Variants in VCPIP1 observed in about 807,000 individuals in gnomAD.
The protein encoded by VCPIP1 is deubiquitinating protein VCPIP1.
Under a neutral mutation model 85.0 loss-of-function variants are expected in VCPIP1, and 8 were observed. The observed-to-expected ratio is 0.09, with a 90% CI of 0.06 to 0.17. VCPIP1 has a LOEUF of 0.17. VCPIP1 is among the 10% of genes least tolerant of loss of function. The pLI, the probability that VCPIP1 is intolerant of heterozygous loss-of-function variation, is 1.00. For synonymous variants in VCPIP1, 543 were observed against 544.5 expected, an observed-to-expected ratio of 1.00 and a Z score of 0.04; for missense variants, 1,070 against 1,486.3, an observed-to-expected ratio of 0.72 and a Z score of 4.61.
In VCPIP1 at chr8:66,666,497, C is replaced by T; in HGVS notation, c.462G>A (p.Gln154=). ...GTAAGGCGCAATCGAACAGTTCGCC[C>T]TGGTTCATGTCCCGGAGAAGCTTGG... ...GRAKLLRDMN[Q]GELFDCALLG... Residue 154 remains glutamine, a synonymous_variant, in exon 1 of 3, where the codon CAG becomes CAA. Transcript: ENST00000310421. This position sits in a 1 kb window ranked among gnomAD's most constrained non-coding sequence, Gnocchi z 6.3. 2 of 1,614,174 alleles carry T rather than the reference C, an allele frequency of 1.2e-6. No homozygotes were observed. The highest frequency in any genetic ancestry group is 1.7e-6 in the Non-Finnish European group (2 of 1,180,036).
intron 2 of VCPIP1, among the ~76,000 whole-genome samples, chr8:66,647,928 C>T (rs1811012306): frequency 6.6e-6 from 1 of 151,996 alleles, no homozygotes; most frequent in Non-Finnish European, 1.5e-5. Flanking sequence ...GGACCACAGG[C>T]ACAAGCCCAA....
At position 66,655,254 on chromosome 8, in the gene VCPIP1, G is replaced by C. The variant is rs1260405562; in HGVS notation, c.2711-3710C>G. 2.0e-5 allele frequency among the ~76,000 whole-genome samples: 3 copies of C among 152,322 alleles called. No individual in the cohort carries two copies. In the East Asian group the frequency reaches 5.8e-4, roughly 29 times the overall value. ...TACCCCCAGGGCCTCGCACAGTGCT[G>C]AACAGATGGCAACACTCATAGTATT... On this transcript the variant is annotated intron_variant, in intron 1 of 2. Coordinates refer to ENST00000310421, the MANE Select transcript of VCPIP1 (RefSeq NM_025054.5).
rs1399891725 is a variant in VCPIP1 at position 66,666,709 on chromosome 8, C to T, written c.250G>A (p.Gly84Arg). 6.2e-7 allele frequency: 1 copy of T among 1,614,060 alleles called. No homozygotes were observed. The highest frequency in any genetic ancestry group is 8.5e-7 in the Non-Finnish European group (1 of 1,180,038). ...TCCGGGTCGGTCACCTCCTCAACCC[C>T]CAGCAGCTGTTGCTGCTCGTGCCGC... ...GQRHEQQQLL[G>R]VEEVTDPDVV... Residue 84 changes from glycine to arginine, a missense_variant, in exon 1 of 3, where the codon GGG becomes AGG. This residue lies in a region of VCPIP1 where 164 missense variants were observed against 158.6 expected (regional missense o/e 1.03). Transcript: ENST00000310421. The surrounding 1 kb of genome is among the most constrained non-coding windows in gnomAD (Gnocchi z 6.3).
intron 1 of VCPIP1, among the ~76,000 whole-genome samples, chr8:66,655,426 G>C (rs1359462068): frequency 6.6e-6 from 1 of 152,282 alleles, no homozygotes; most frequent in East Asian, 1.9e-4. Context: ...GATGAGGAAA[G>C]GGCTCTACTG....
At chr8:66,652,037 C>T (rs780702939) in intron 1 of VCPIP1, among the ~76,000 whole-genome samples, 2 of 149,984 alleles carry the variant, frequency 1.3e-5, no homozygotes, top group Non-Finnish European at 3.0e-5. Flanking sequence ...AATAGCTGGA[C>T]GTGGTGGCAT....
chr8:66,660,282 T>C (rs1274638651), intron 1 of VCPIP1, among the ~76,000 whole-genome samples: 1 of 152,220 alleles, frequency 6.6e-6, no homozygotes, highest in Non-Finnish European at 1.5e-5. Context: ...TATTGATTAG[T>C]GAAGAAAATA....
chr8:66,635,301 C>T lies in VCPIP1; in HGVS notation c.2869G>A (p.Asp957Asn). ...GCATCCACACACAATTCCAGTCTAT[C>T]TTCAGAAGCATTATAGACAAAGGTT... is the stretch of plus-strand genomic sequence containing the variant. ...GKTFVYNASE[D>N]RLELCVDAAG... The change falls in exon 3 of 3, where the codon GAT (aspartate) becomes AAT (asparagine). Residue 957 changes from aspartate (D) to asparagine (N), a missense_variant. Asp to Asn is a conservative substitution (Grantham distance 23). Coordinates refer to ENST00000310421, the MANE Select transcript of VCPIP1 (RefSeq NM_025054.5). 6.2e-7 allele frequency: 1 copy of T among 1,614,118 alleles called. No individual in the cohort carries two copies. The highest frequency in any genetic ancestry group is 8.5e-7 in the Non-Finnish European group (1 of 1,180,034).
At chr8:66,649,294 C>T (rs555663078) in intron 2 of VCPIP1, among the ~76,000 whole-genome samples, 2 of 151,922 alleles carry the variant, frequency 1.3e-5, no homozygotes, top group East Asian at 1.9e-4. Context: ...GAGGATTGCT[C>T]GAGCTCAAGA....
chr8:66,629,411 T>C lies in VCPIP1; in HGVS notation c.*5090A>G, dbSNP rs1400672829. ...GCTAAGCTACACAAACGTTATTTAG[T>C]ACTATTATCTGTATTTCCTTTCATT... On this transcript the variant is annotated 3_prime_UTR_variant, in exon 3 of 3. Coordinates refer to ENST00000310421, the MANE Select transcript of VCPIP1 (RefSeq NM_025054.5). 1 of 152,226 alleles carries C rather than the reference T, an allele frequency of 6.6e-6. No individual in the cohort carries two copies. The highest frequency in any genetic ancestry group is 1.9e-4 in the East Asian group (1 of 5,204). The allele number at this position is 152,226 out of a possible 1,614,324, so 9.4% of individuals were successfully genotyped here.
At chr8:66,656,672 T>C (rs1811103328) in intron 1 of VCPIP1, among the ~76,000 whole-genome samples, 1 of 151,912 alleles carries the variant, frequency 6.6e-6, no homozygotes, top group African/African-American at 2.4e-5. Context: ...TGCAGTGGCA[T>C]GATCTTGGCT....
intron 2 of VCPIP1, among the ~76,000 whole-genome samples, chr8:66,645,343 A>T (rs1193009648): frequency 6.6e-6 from 1 of 152,068 alleles, no homozygotes; most frequent in Non-Finnish European, 1.5e-5. Flanking sequence ...GCTTGAACTC[A>T]GGAGGCAGAG....
chr8:66,649,188 A>G (rs1374649415), intron 2 of VCPIP1, among the ~76,000 whole-genome samples: 1 of 151,826 alleles, frequency 6.6e-6, no homozygotes, highest in Non-Finnish European at 1.5e-5. Flanking sequence ...TAATAATAAT[A>G]ATAATAAATT....
At position 66,638,968 on chromosome 8, in the gene VCPIP1, C is replaced by CTATATATATATA. The variant is rs1432062184; in HGVS notation, c.2798-3597_2798-3596insTATATATATATA. 2.3e-3 allele frequency among the ~76,000 whole-genome samples: 297 copies of CTATATATATATA among 126,996 alleles called. 1 individual carries two copies. Among genetic ancestry groups the CTATATATATATA allele is most frequent in the African/African-American group, 0.01 (285 of 28,416 alleles). The allele number at this position is 126,996 out of a possible 152,430, so 83.3% of individuals were successfully genotyped here. On this transcript the variant is annotated intron_variant, in intron 2 of 2. Transcript: ENST00000310421. ...TCTCTCTCTCTCTCTCTCTCTCTCT[C>CTATATATATATA]TCTATATATATATATATACATATAT...
In VCPIP1 at chr8:66,666,296, C is replaced by A. The variant is rs1811209055; in HGVS notation, c.663G>T (p.Val221=). Residue 221 remains valine, a synonymous_variant, in exon 1 of 3, where the codon GTG becomes GTT. Coordinates refer to ENST00000310421, the MANE Select transcript of VCPIP1 (RefSeq NM_025054.5). The surrounding 1 kb of genome is among the most constrained non-coding windows in gnomAD (Gnocchi z 6.3). ...CTACTAGAGCCCGAGACACAGCATG[C>A]ACCAAGCAGTGTCCATCCCCGTCCA... ...VHVDGDGHCL[V]HAVSRALVGR... is the part of the protein sequence containing the mutation. 1 of 1,614,142 alleles carries A rather than the reference C, an allele frequency of 6.2e-7. No homozygotes were observed. Among genetic ancestry groups the A allele is most frequent in the African/African-American group, 1.3e-5 (1 of 75,044 alleles).
At chr8:66,662,680 T>G (rs1203322244) in intron 1 of VCPIP1, among the ~76,000 whole-genome samples, 3 of 151,876 alleles carry the variant, frequency 2.0e-5, no homozygotes, top group Non-Finnish European at 4.4e-5. Flanking sequence ...ATTTACTTAT[T>G]CATTTATTTA....
chr8:66,665,324 A>T lies in VCPIP1; in HGVS notation c.1635T>A (p.Ser545=), dbSNP rs1487296402. The part of the protein sequence containing the change: ...LTACNWCHGT[S]VRKVRGDGSI... ...ACCCATCTCCTCTGACCTTTCGCACAGATGTGCCATGGCACCAATTACAAG... is the reference window on the plus strand; with the variant it reads ...ACCCATCTCCTCTGACCTTTCGCACTGATGTGCCATGGCACCAATTACAAG... The change falls in exon 1 of 3, where the codon TCT becomes TCA. Residue 545 remains serine (S), a synonymous_variant. Coordinates refer to ENST00000310421, the MANE Select transcript of VCPIP1 (RefSeq NM_025054.5). The surrounding 1 kb of genome is among the most constrained non-coding windows in gnomAD (Gnocchi z 4.3). 1.2e-6 allele frequency: 2 copies of T among 1,613,844 alleles called. No individual in the cohort carries two copies. The highest frequency in any genetic ancestry group is 1.7e-6 in the Non-Finnish European group (2 of 1,179,850).
At chr8:66,637,179 G>A (rs1323980121) in intron 2 of VCPIP1, among the ~76,000 whole-genome samples, 1 of 151,366 alleles carries the variant, frequency 6.6e-6, no homozygotes, top group African/African-American at 2.4e-5. Context: ...TAAGACCCTG[G>A]TCTCTACAAA....
intron 2 of VCPIP1, 124 bp downstream of exon 2, chr8:66,651,334 C>T (rs1199642649): frequency 1.4e-6 from 1 of 727,496 alleles, no homozygotes; most frequent in Non-Finnish European, 2.1e-6. Flanking sequence ...AGGCAAACTG[C>T]TAAAAGAATA....
At chr8:66,645,473 G>T (rs1810986402) in intron 2 of VCPIP1, among the ~76,000 whole-genome samples, 1 of 151,944 alleles carries the variant, frequency 6.6e-6, no homozygotes, top group Admixed American at 6.6e-5. Context: ...TACTAGAAAT[G>T]AACAATAAGA....
Sources: gnomAD v4.1 joint callset for allele counts (sites outside exome capture counted in the v4.1 genomes callset) on GRCh38, gnomAD v4.1.1 for gene constraint, gnomAD v4.1.1 regional missense constraint, Gnocchi (gnomAD v3.1) non-coding constraint, MANE v1.5 for transcripts, NCBI Gene and HGNC (gene_info 2026-07-23, HGNC 2026-07-21) for gene names.